ARHGAP42: variants seen among roughly 807,000 people sequenced by gnomAD.
ARHGAP42 encodes Rho GTPase activating protein 42, also known as rho GTPase-activating protein 42.
ARHGAP42 carries 63 observed loss-of-function variants against 125.0 expected under a neutral mutation model. That is an observed-to-expected ratio of 0.50 (90% confidence interval 0.41 to 0.62). ARHGAP42 has a LOEUF of 0.62. ARHGAP42 is among the 20% of genes least tolerant of loss of function. ARHGAP42 has a pLI of 0.00. For missense variants in ARHGAP42, 766 were observed against 1,024.2 expected (o/e 0.75, Z 3.44); for synonymous variants, 339 against 351.0 (o/e 0.97, Z 0.38).
chr11:100,857,573 T>G (rs1865349958), intron 3 of ARHGAP42, among the ~76,000 whole-genome samples: 1 of 152,152 alleles, frequency 6.6e-6, no homozygotes, highest in African/African-American at 2.4e-5. Context: ...CTTTGAGTCT[T>G]TCCATGACAT....
At chr11:100,780,622 G>A (rs1007289679) in intron 2 of ARHGAP42, among the ~76,000 whole-genome samples, 2 of 152,214 alleles carry the variant, frequency 1.3e-5, no homozygotes, top group African/African-American at 2.4e-5. Flanking sequence ...TGTTAAAGCC[G>A]AAGGCCGATG....
intron 1 of ARHGAP42, among the ~76,000 whole-genome samples, chr11:100,690,307 A>G (rs1861164876): frequency 6.6e-6 from 1 of 152,138 alleles, no homozygotes; most frequent in South Asian, 2.1e-4. Context: ...AACCTTATTA[A>G]GCAATTATCA....
intron 3 of ARHGAP42, among the ~76,000 whole-genome samples, chr11:100,797,516 T>C (rs924602252): frequency 2.0e-5 from 3 of 151,986 alleles, no homozygotes; most frequent in Non-Finnish European, 4.4e-5. Context: ...GCTCTAGTTA[T>C]AGAACATGGA....
At chr11:100,932,800 T>A (rs1867623004) in intron 6 of ARHGAP42, among the ~76,000 whole-genome samples, 1 of 152,206 alleles carries the variant, frequency 6.6e-6, no homozygotes, top group Non-Finnish European at 1.5e-5. Context: ...ACATCTTTTA[T>A]CCCCTTGTTT....
At chr11:100,839,545 C>G (rs1864893605) in intron 3 of ARHGAP42, 1 of 152,144 alleles carries the variant, frequency 6.6e-6, no homozygotes, top group Non-Finnish European at 1.5e-5. Flanking sequence ...CACCATTGCC[C>G]AAGGGCAGAG....
At chr11:100,819,301 A>G (rs1565227760) in intron 3 of ARHGAP42, among the ~76,000 whole-genome samples, 1 of 152,160 alleles carries the variant, frequency 6.6e-6, no homozygotes, top group African/African-American at 2.4e-5. Context: ...GTCCTAAATG[A>G]TAACTCCTCT....
intron 3 of ARHGAP42, among the ~76,000 whole-genome samples, chr11:100,803,513 A>G (rs1276668641): frequency 6.6e-6 from 1 of 152,222 alleles, no homozygotes; most frequent in African/African-American, 2.4e-5. Context: ...CTAGGGAGAC[A>G]TTAGATCAAT....
chr11:100,808,395 CTTTT>C (rs398045483), intron 3 of ARHGAP42, among the ~76,000 whole-genome samples: 2 of 118,774 alleles, frequency 1.7e-5, no homozygotes, highest in South Asian at 2.7e-4. Flanking sequence ...TAAATTCACT[CTTTT>C]TTTTTTTTTT....
intron 4 of ARHGAP42, among the ~76,000 whole-genome samples, chr11:100,888,419 G>A (rs549281361): frequency 1.3e-5 from 2 of 152,166 alleles, no homozygotes; most frequent in Admixed American, 6.5e-5. Context: ...TGGATTAGTT[G>A]ACCTAAAACA....
intron 4 of ARHGAP42, among the ~76,000 whole-genome samples, chr11:100,876,495 A>G (rs1865827522): frequency 1.3e-5 from 2 of 152,190 alleles, no homozygotes; most frequent in Admixed American, 6.5e-5. Context: ...TCCCAACAAC[A>G]TTTGTTATTT....
intron 1 of ARHGAP42, among the ~76,000 whole-genome samples, chr11:100,694,996 G>A (rs939153133): frequency 6.6e-6 from 1 of 152,198 alleles, no homozygotes; most frequent in Non-Finnish European, 1.5e-5. Flanking sequence ...GCGCCATTGC[G>A]CTCCAGCCTG....
intron 1 of ARHGAP42, among the ~76,000 whole-genome samples, chr11:100,732,352 C>T (rs911534796): frequency 3.3e-5 from 5 of 152,090 alleles, no homozygotes; most frequent in Admixed American, 6.5e-5. Context: ...GGACAGTGCT[C>T]AATAAGTTTT....
intron 1 of ARHGAP42, among the ~76,000 whole-genome samples, chr11:100,688,969 G>A (rs963212860): frequency 1.3e-5 from 2 of 152,200 alleles, no homozygotes; most frequent in South Asian, 2.1e-4. Flanking sequence ...GGATGTGTGC[G>A]CCTAAAACTG....
chr11:100,806,510 T>C lies in ARHGAP42; in HGVS notation c.312+11344T>C, dbSNP rs532256. Among the ~76,000 whole-genome samples the C allele has an allele frequency of 8.3e-3, 1,259 of 152,320 alleles. 17 individuals carry two copies. The highest frequency in any genetic ancestry group is 0.029 in the African/African-American group (1,186 of 41,574). On this transcript the variant is annotated intron_variant, in intron 3 of 23. Coordinates refer to ENST00000298815, the MANE Select transcript of ARHGAP42 (RefSeq NM_152432.4). Reference sequence around the variant, plus strand: ...ATGAAAACGGATTATGTTTCTGGTATGTCTTAGGTTAACTTTAATTAGAAA... The same window carrying C: ...ATGAAAACGGATTATGTTTCTGGTACGTCTTAGGTTAACTTTAATTAGAAA...
chr11:100,861,236 T>C lies in ARHGAP42; in HGVS notation c.384+1611T>C, dbSNP rs562477108. Among the ~76,000 whole-genome samples the C allele has an allele frequency of 2.0e-5, 3 of 152,284 alleles. No homozygotes were observed. The East Asian group carries it at 5.8e-4, about 29-fold the overall frequency. On this transcript the variant is annotated intron_variant, in intron 4 of 23. Transcript: ENST00000298815. ...CAGAAAAGGGAATGGAATATGGGAA[T>C]GAATGAAGGTTTTCTTGGTCGGGGA...
intron 1 of ARHGAP42, among the ~76,000 whole-genome samples, chr11:100,696,111 C>T (rs984989593): frequency 5.3e-5 from 8 of 152,150 alleles, no homozygotes; most frequent in Non-Finnish European, 7.4e-5. Flanking sequence ...GTAGTCCCAG[C>T]TCCTTGGGAG....
chr11:100,799,533 A>T (rs1366219095), intron 3 of ARHGAP42, among the ~76,000 whole-genome samples: 2 of 152,282 alleles, frequency 1.3e-5, no homozygotes, highest in African/African-American at 4.8e-5. Context: ...TAGTATGTGC[A>T]CTTGTGTTCA....
intron 21 of ARHGAP42, among the ~76,000 whole-genome samples, chr11:100,978,181 T>C (rs1188779754): frequency 6.6e-6 from 1 of 152,202 alleles, no homozygotes; most frequent in Admixed American, 6.5e-5. Flanking sequence ...GTTTCTCTTT[T>C]GTGATTGTAC....
intron 1 of ARHGAP42, among the ~76,000 whole-genome samples, chr11:100,702,500 C>T (rs569016683): frequency 2.0e-5 from 3 of 151,246 alleles, no homozygotes; most frequent in Admixed American, 6.6e-5. Flanking sequence ...GAAATGAGCA[C>T]ATGCTTTTGG....
Sources: gnomAD v4.1 joint callset for allele counts (sites outside exome capture counted in the v4.1 genomes callset) on GRCh38, gnomAD v4.1.1 for gene constraint, MANE v1.5 for transcripts, NCBI Gene and HGNC (gene_info 2026-07-23, HGNC 2026-07-21) for gene names.